CNKSR2: variants seen among roughly 807,000 people sequenced by gnomAD.
CNKSR2 encodes connector enhancer of kinase suppressor of Ras 2, also known as CNK homolog protein 2.
A neutral mutation model predicts 84.4 loss-of-function variants in CNKSR2; 14 were observed. That is an observed-to-expected ratio of 0.17 (90% CI 0.11 to 0.26). The LOEUF is 0.26. Ranked by LOEUF, CNKSR2 falls within the 10% of genes least tolerant of loss-of-function variation. CNKSR2 has a pLI of 1.00. For missense variants in CNKSR2, 485 were observed against 771.2 expected, an observed-to-expected ratio of 0.63 and a Z score of 4.40; for synonymous variants, 275 against 277.9, an observed-to-expected ratio of 0.99 and a Z score of 0.10.
intron 20 of CNKSR2, among the ~76,000 whole-genome samples, chrX:21,611,946 C>CT (rs2092552409): frequency 8.9e-6 from 1 of 112,029 alleles, no homozygotes; most frequent in South Asian, 3.7e-4. Context: ...AATCTTGCCA[C>CT]TTGATTTCTC....
intron 4 of CNKSR2, among the ~76,000 whole-genome samples, chrX:21,446,561 T>TA (rs1044706686): frequency 9.0e-6 from 1 of 111,577 alleles, no homozygotes; most frequent in African/African-American, 3.2e-5. Context: ...AGCTTTCTGA[T>TA]ACTGGCCTGG....
intron 17 of CNKSR2, among the ~76,000 whole-genome samples, chrX:21,599,369 TGTGTGTGTGTGTGTGA>T (rs1017057971): frequency 3.7e-5 from 4 of 106,703 alleles, no homozygotes; most frequent in African/African-American, 1.4e-4. Context: ...TGTGTGTGTG[TGTGTGTGTGTGTGTGA>T]GATGGAGTCT....
chrX:21,393,127 C>T (rs937600630), intron 1 of CNKSR2, among the ~76,000 whole-genome samples: 1 of 112,106 alleles, frequency 8.9e-6, no homozygotes, highest in African/African-American at 3.2e-5. Context: ...GTTATTAATA[C>T]CTCTCTGTAA....
chrX:21,500,358 A>C (rs1165112820), intron 7 of CNKSR2, among the ~76,000 whole-genome samples: 1 of 111,201 alleles, frequency 9.0e-6, no homozygotes, highest in African/African-American at 3.2e-5. Flanking sequence ...AACAAACTGG[A>C]AATCACTTTT....
At chrX:21,472,874 A>G (rs2091215277) in intron 5 of CNKSR2, among the ~76,000 whole-genome samples, 1 of 111,367 alleles carries the variant, frequency 9.0e-6, no homozygotes, top group Admixed American at 9.5e-5. Context: ...CTAAGGAAAT[A>G]ATCTCTTTGG....
At chrX:21,507,077 A>G (rs1465108879) in intron 8 of CNKSR2, among the ~76,000 whole-genome samples, 1 of 109,776 alleles carries the variant, frequency 9.1e-6, no homozygotes, top group Non-Finnish European at 1.9e-5. Context: ...GTAGGCAATC[A>G]GTAGATAACA....
At chrX:21,391,676 G>T (rs2090053297) in intron 1 of CNKSR2, among the ~76,000 whole-genome samples, 1 of 112,109 alleles carries the variant, frequency 8.9e-6, no homozygotes, top group Non-Finnish European at 1.9e-5. Flanking sequence ...TGCCTTTGAG[G>T]CCTTTTCCTC....
intron 8 of CNKSR2, chrX:21,503,210 AC>A (rs2091577278): frequency 3.4e-6 from 1 of 293,871 alleles, no homozygotes. Flanking sequence ...ATTTAAATAC[AC>A]CTAGAATGTG....
intron 2 of CNKSR2, chrX:21,428,426 A>C (rs2090592704): frequency 8.9e-6 from 1 of 111,940 alleles, no homozygotes; most frequent in Non-Finnish European, 1.9e-5. Flanking sequence ...GCAGCTGATG[A>C]GAATCAAAGG....
intron 9 of CNKSR2, among the ~76,000 whole-genome samples, chrX:21,526,223 G>A (rs2091833636): frequency 2.7e-5 from 3 of 111,179 alleles, no homozygotes; most frequent in Admixed American, 1.9e-4. Context: ...TGAAATGATT[G>A]TGTTACATAA....
rs2092536259 is a variant in CNKSR2 at position 21,609,246 on chromosome X, C to T, written c.2321C>T (p.Thr774Met). ...CGCTCCTGGCAGGATTTAATTGAGA[C>T]GCCACTGACAAGTTCAGGCTTACAC... ...QRRSWQDLIE[T>M]PLTSSGLHYL... The change falls in exon 20 of 22, where the codon ACG becomes ATG. Residue 774 changes from threonine (T) to methionine (M), a missense_variant. Physicochemically the swap from Thr to Met is moderately conservative, Grantham distance 81. Around this residue, in one of 5 missense-constraint regions of CNKSR2, gnomAD observed 210 missense variants for 291.5 expected, o/e 0.72. Transcript: ENST00000379510. The T allele has an allele frequency of 8.3e-7, 1 of 1,211,478 alleles. No homozygotes were observed. Among genetic ancestry groups the T allele is most frequent in the Non-Finnish European group, 1.1e-6 (1 of 895,376 alleles).
At chrX:21,593,802 A>G (rs1478009737) in intron 15 of CNKSR2, 1 of 111,565 alleles carries the variant, frequency 9.0e-6, no homozygotes, top group African/African-American at 3.3e-5. Flanking sequence ...AAACTCTTGA[A>G]TGCACAGAAT....
At chrX:21,557,968 C>T (rs191428495) in intron 11 of CNKSR2, among the ~76,000 whole-genome samples, 232 of 111,417 alleles carry the variant, frequency 2.1e-3, no homozygotes, top group Non-Finnish European at 3.6e-3. Context: ...AAATACTTTG[C>T]ATGTATTAAT....
intron 20 of CNKSR2, among the ~76,000 whole-genome samples, chrX:21,610,955 C>T (rs983332544): frequency 1.8e-5 from 2 of 111,907 alleles, no homozygotes; most frequent in African/African-American, 6.5e-5. Flanking sequence ...AATTCATATG[C>T]TGTGGCAGTT....
chrX:21,577,635 C>G (rs2092327419), intron 13 of CNKSR2, among the ~76,000 whole-genome samples: 1 of 109,454 alleles, frequency 9.1e-6, no homozygotes, highest in Non-Finnish European at 1.9e-5. Flanking sequence ...TTTTTTTTTG[C>G]TCCCATAATC....
At chrX:21,386,759 T>A (rs2146956225) in intron 1 of CNKSR2, among the ~76,000 whole-genome samples, 1 of 111,727 alleles carries the variant, frequency 9.0e-6, no homozygotes, top group East Asian at 2.8e-4. Flanking sequence ...GAGAATGGTT[T>A]GAAGTTTCTC....
chrX:21,514,129 C>A (rs765137361), intron 8 of CNKSR2, among the ~76,000 whole-genome samples: 15 of 111,641 alleles, frequency 1.3e-4, no homozygotes, highest in African/African-American at 4.5e-4. Context: ...TTTTTTCACA[C>A]AATTTTTATA....
At chrX:21,466,007 C>A (rs2091122828) in intron 4 of CNKSR2, among the ~76,000 whole-genome samples, 1 of 111,678 alleles carries the variant, frequency 9.0e-6, no homozygotes, top group South Asian at 3.7e-4. Context: ...AAACACGCCT[C>A]ATTTTTATGA....
chrX:21,586,395 A>G (rs1032021016), intron 13 of CNKSR2, among the ~76,000 whole-genome samples: 3 of 111,410 alleles, frequency 2.7e-5, no homozygotes, highest in African/African-American at 9.8e-5. Flanking sequence ...TGCCTCTCCC[A>G]CTTGGATTTC....
Sources: allele counts gnomAD v4.1 joint callset (sites outside exome capture counted in the v4.1 genomes callset), GRCh38; gene constraint gnomAD v4.1.1; regional missense constraint gnomAD v4.1.1; transcripts MANE v1.5; gene names NCBI Gene and HGNC (gene_info 2026-07-23, HGNC 2026-07-21).